JAG1: variants seen among roughly 807,000 people sequenced by gnomAD.
The protein encoded by JAG1 is protein jagged-1.
In JAG1, 23 loss-of-function variants were observed where a neutral mutation model predicts 148.7. The observed-to-expected ratio is 0.15, with a 90% confidence interval of 0.11 to 0.22. JAG1 has a LOEUF of 0.22. Ranked by LOEUF, JAG1 falls within the 10% of genes least tolerant of loss-of-function variation. The pLI is 1.00. For missense variants in JAG1, 1,054 were observed against 1,611.2 expected (o/e 0.65, Z 5.92); for synonymous variants, 572 against 598.3 (o/e 0.96, Z 0.64).
intron 2 of JAG1, among the ~76,000 whole-genome samples, chr20:10,670,739 A>G: frequency 6.6e-6 from 1 of 152,336 alleles, no homozygotes; most frequent in East Asian, 1.9e-4. Flanking sequence ...CAAAAGAACC[A>G]CATTTTCAGT....
chr20:10,644,697 C>T, intron 18 of JAG1, 166 bp downstream of exon 18: 1 of 689,604 alleles, frequency 1.5e-6, no homozygotes, highest in Non-Finnish European at 2.6e-6. Flanking sequence ...TGGCGACTTT[C>T]TCATGCCCAG....
chr20:10,642,354 T>G lies in JAG1; in HGVS notation c.2572+134A>C, dbSNP rs142231968. 880 of 699,060 alleles carry G rather than the reference T, an allele frequency of 1.3e-3. 3 individuals are homozygous for G. The Middle Eastern group carries it at 0.019, about 15-fold the overall frequency. The allele number at this position is 699,060 out of a possible 1,614,324, so 43.3% of individuals were successfully genotyped here. ...CCTGTTTTGGGGAAGACTCTTCACG[T>G]TCCCTTTCCCTTGTAGTCCCACTGT... On this transcript the variant is annotated intron_variant, in intron 21 of 25. Coordinates refer to ENST00000254958, the MANE Select transcript of JAG1 (RefSeq NM_000214.3).
At chr20:10,646,161 T>C (rs996769957) in intron 14 of JAG1, 77 bp from the exon 15 acceptor site, 3 of 1,035,828 alleles carry the variant, frequency 2.9e-6, no homozygotes, top group African/African-American at 1.6e-5. Flanking sequence ...GCAGTTTTCA[T>C]GGCTCCCTCC....
At chr20:10,644,696 T>G (rs1306656160) in intron 18 of JAG1, 167 bp downstream of exon 18, 4 of 685,788 alleles carry the variant, frequency 5.8e-6, no homozygotes, top group African/African-American at 5.3e-5. Context: ...TTGGCGACTT[T>G]CTCATGCCCA....
At chr20:10,652,676 A>C in intron 5 of JAG1, 78 bp from the exon 6 acceptor site, 1 of 1,495,468 alleles carries the variant, frequency 6.7e-7, no homozygotes. Context: ...GGAAGACTGC[A>C]AAGTCCAGGC....
Position 10,660,629 on chromosome 20 carries a change from C to T in JAG1, c.440-1907G>A, listed in dbSNP as rs139263982. ...CTTTCCACTTATTTCCGGGAAGTGTCGTGCAGAGGATCACTTCAGAATCCT... is the reference window on the plus strand; with the variant it reads ...CTTTCCACTTATTTCCGGGAAGTGTTGTGCAGAGGATCACTTCAGAATCCT... On this transcript the variant is annotated intron_variant, in intron 3 of 25. Transcript: ENST00000254958. Among the ~76,000 whole-genome samples, 9 of 152,288 alleles carry T rather than the reference C, an allele frequency of 5.9e-5. No individual in the cohort carries two copies. The South Asian group carries it at 1.4e-3, about 25-fold the overall frequency.
chr20:10,643,471 T>A (rs1436919392), intron 20 of JAG1, among the ~76,000 whole-genome samples: 4 of 152,092 alleles, frequency 2.6e-5, no homozygotes, highest in Non-Finnish European at 5.9e-5. Flanking sequence ...GCCCATAATT[T>A]CATGTTAGTC....
At chr20:10,639,991 G>GA (rs2067259167) in intron 25 of JAG1, 36 bp from the exon 26 acceptor site, 2 of 1,507,008 alleles carry the variant, frequency 1.3e-6, no homozygotes, top group Admixed American at 1.7e-5. Context: ...AACTCTCCAA[G>GA]AAAGAAAGAA....
intron 19 of JAG1, 83 bp downstream of exon 19, chr20:10,644,274 T>TCACACACACACACA (rs1491263633): frequency 2.9e-6 from 2 of 688,498 alleles, no homozygotes; most frequent in African/African-American, 3.9e-5. Flanking sequence ...CCTGGGTGAT[T>TCACACACACACACA]CTCACACACA....
In JAG1 at chr20:10,639,922, G is replaced by C. The variant is rs767851768; in HGVS notation, c.3233C>G (p.Thr1078Ser). The change falls in exon 26 of 26, where the codon ACT (threonine) becomes AGT (serine). Residue 1078 changes from threonine (T) to serine (S), a missense_variant. Around this residue, in one of 6 missense-constraint regions of JAG1, gnomAD observed 342 missense variants for 514.6 expected, o/e 0.66. Coordinates refer to ENST00000254958, the MANE Select transcript of JAG1 (RefSeq NM_000214.3). ...FLVPLLSSVL[T>S]VAWICCLVTA... ...CACCAAGCAACAGATCCAAGCCACA[G>C]TTAAGACAGAGCTCAGCAAGGGAAC... The C allele has an allele frequency of 2.5e-6, 4 of 1,614,246 alleles. No individual in the cohort carries two copies. Among genetic ancestry groups the C allele is most frequent in the Non-Finnish European group, 2.5e-6 (3 of 1,180,040 alleles).
At chr20:10,666,818 G>A (rs888575350) in intron 2 of JAG1, among the ~76,000 whole-genome samples, 2 of 152,170 alleles carry the variant, frequency 1.3e-5, no homozygotes, top group Non-Finnish European at 2.9e-5. Flanking sequence ...TTGCTTTTTG[G>A]AAGATTTCTG....
chr20:10,664,057 G>T, intron 2 of JAG1, 43 bp from the exon 3 acceptor site: 1 of 1,548,630 alleles, frequency 6.5e-7, no homozygotes, highest in Non-Finnish European at 8.9e-7. Flanking sequence ...AAACAGGGTC[G>T]ACTTTCCAAA....
chr20:10,645,048 A>C lies in JAG1; in HGVS notation c.2228-69T>G. ...GAAACAGTCTGGAGGGGCAAGAACC[A>C]GGCCCAGAGAAATATCATAAGCTCC... On this transcript the variant is annotated intron_variant, in intron 17 of 25. Transcript: ENST00000254958. This position sits in a 1 kb window ranked among gnomAD's most constrained non-coding sequence, Gnocchi z 6.1. The C allele has an allele frequency of 6.6e-7, 1 of 1,516,840 alleles. No homozygotes were observed. The highest frequency in any genetic ancestry group is 9.2e-7 in the Non-Finnish European group (1 of 1,091,408). 94.0% of individuals were successfully genotyped at this position (1,516,840 alleles called of 1,614,324 possible).
In JAG1 at chr20:10,672,926, G is replaced by A. The variant is rs138937444; in HGVS notation, c.162C>T (p.Cys54=). The change falls in exon 2 of 26, where the codon TGC becomes TGT. Residue 54 remains cysteine, a synonymous_variant. Transcript: ENST00000254958. ...NVNGELQNGN[C]CGGARNPGDR... ...CTCCCGGGTTCCGGGCGCCGCCGCA[G>A]CAGTTCCCGTTCTGCAGCTCCCCGT... The A allele has an allele frequency of 3.1e-6, 5 of 1,613,218 alleles. No homozygotes were observed. The highest frequency in any genetic ancestry group is 4.2e-6 in the Non-Finnish European group (5 of 1,180,020).
At chr20:10,652,424 C>T in intron 6 of JAG1, 44 bp downstream of exon 6, 1 of 1,612,100 alleles carries the variant, frequency 6.2e-7, no homozygotes, top group Non-Finnish European at 8.5e-7. Context: ...TAGTGCCATC[C>T]CACCCCCAGA....
chr20:10,652,730 G>T, intron 5 of JAG1, 132 bp from the exon 6 acceptor site: 1 of 862,360 alleles, frequency 1.2e-6, no homozygotes, highest in Non-Finnish European at 1.8e-6. Flanking sequence ...GACTCCCAAG[G>T]CTCATCAGGG....
At chr20:10,656,914 T>C (rs1285180924) in intron 4 of JAG1, among the ~76,000 whole-genome samples, 1 of 148,140 alleles carries the variant, frequency 6.8e-6, no homozygotes, top group African/African-American at 2.5e-5. Context: ...ACCAAATGCC[T>C]GGTTTGAAAA....
chr20:10,644,480 G>A (rs964421136), intron 18 of JAG1, 96 bp from the exon 19 acceptor site: 122 of 974,264 alleles, frequency 1.3e-4, no homozygotes, highest in Non-Finnish European at 1.8e-4. Flanking sequence ...ATACCCAAAT[G>A]ATAAAGTCGT....
At chr20:10,647,262 A>G (rs2067315659) in intron 13 of JAG1, 159 bp from the exon 14 acceptor site, 1 of 757,216 alleles carries the variant, frequency 1.3e-6, no homozygotes, top group South Asian at 1.5e-5. Context: ...GTGCCACATC[A>G]CATTATGACA....
Sources: allele counts gnomAD v4.1 joint callset (sites outside exome capture counted in the v4.1 genomes callset), GRCh38; gene constraint gnomAD v4.1.1; regional missense constraint gnomAD v4.1.1; non-coding constraint Gnocchi (gnomAD v3.1); transcripts MANE v1.5; gene names NCBI Gene and HGNC (gene_info 2026-07-23, HGNC 2026-07-21).